The following RYR2 variants were observed in gnomAD, a reference collection of about 807,000 sequenced individuals.
RYR2 encodes ryanodine receptor 2, also known as cardiac muscle ryanodine receptor-calcium release channel.
RYR2 carries 227 observed loss-of-function variants against 601.1 expected under a neutral mutation model. That is an observed-to-expected ratio of 0.38 (90% confidence interval 0.34 to 0.42). RYR2 has a LOEUF of 0.42. RYR2 is among the 10% of genes least tolerant of loss of function. The pLI is 1.00. For synonymous variants in RYR2, 2,223 were observed against 2,175.1 expected, an observed-to-expected ratio of 1.02 and a Z score of -0.61; for missense variants, 4,646 against 6,156.5, an observed-to-expected ratio of 0.75 and a Z score of 8.21.
intron 1 of RYR2, among the ~76,000 whole-genome samples, chr1:237,256,586 G>T (rs1688010081): frequency 6.6e-6 from 1 of 152,116 alleles, no homozygotes; most frequent in Non-Finnish European, 1.5e-5. Flanking sequence ...TGGATTTTAG[G>T]GTAACATGGA....
At chr1:237,096,674 GA>G (rs1433285261) in intron 1 of RYR2, among the ~76,000 whole-genome samples, 1 of 152,070 alleles carries the variant, frequency 6.6e-6, no homozygotes, top group Non-Finnish European at 1.5e-5. Flanking sequence ...TTAACCTTCA[GA>G]AAAAAATTTG....
intron 1 of RYR2, among the ~76,000 whole-genome samples, chr1:237,247,352 G>A (rs1441605245): frequency 1.3e-5 from 2 of 152,142 alleles, no homozygotes; most frequent in Non-Finnish European, 2.9e-5. Context: ...AAATTACACA[G>A]ACTTTCGTAG....
chr1:237,605,007 G>A (rs1373610439), intron 35 of RYR2, among the ~76,000 whole-genome samples: 2 of 152,064 alleles, frequency 1.3e-5, no homozygotes, highest in Non-Finnish European at 2.9e-5. Context: ...GGAGGAGCTG[G>A]TACCATTCCT....
chr1:237,230,138 T>C (rs912021248), intron 1 of RYR2, among the ~76,000 whole-genome samples: 12 of 152,218 alleles, frequency 7.9e-5, no homozygotes, highest in Non-Finnish European at 1.6e-4. Flanking sequence ...AACTGTCTTG[T>C]ATTTATACTG....
At chr1:237,341,567 A>G (rs567493754) in intron 3 of RYR2, 79 of 484,356 alleles carry the variant, frequency 1.6e-4, no homozygotes, top group Non-Finnish European at 3.0e-4. Context: ...TGTAAATCTC[A>G]GGAATGCAGG....
intron 49 of RYR2, 45 bp downstream of exon 49, chr1:237,648,658 C>G (rs1042260976): frequency 1.7e-5 from 26 of 1,569,166 alleles, no homozygotes; most frequent in Non-Finnish European, 2.3e-5. Flanking sequence ...ACTCTTCACT[C>G]TGTGCCTTAT....
intron 29 of RYR2, among the ~76,000 whole-genome samples, chr1:237,586,418 TA>T (rs1674533618): frequency 1.3e-5 from 2 of 152,216 alleles, no homozygotes; most frequent in African/African-American, 4.8e-5. Context: ...ATACAAGATC[TA>T]ACTTTAAAAC....
intron 1 of RYR2, among the ~76,000 whole-genome samples, chr1:237,115,433 C>T: frequency 6.6e-6 from 1 of 152,196 alleles, no homozygotes; most frequent in East Asian, 1.9e-4. Flanking sequence ...CCCTTAAGAA[C>T]CCCAGATCAG....
chr1:237,292,348 T>G (rs557946579), intron 2 of RYR2, among the ~76,000 whole-genome samples: 1 of 152,108 alleles, frequency 6.6e-6, no homozygotes. Context: ...ATTTGCAAAA[T>G]AGGTACAAAA....
At chr1:237,556,695 T>C (rs543520490) in intron 27 of RYR2, among the ~76,000 whole-genome samples, 2 of 151,994 alleles carry the variant, frequency 1.3e-5, no homozygotes, top group East Asian at 1.9e-4. Flanking sequence ...TTTTGTCTTA[T>C]GTAGCTCTCA....
chr1:237,191,496 A>G (rs1448862481), intron 1 of RYR2, among the ~76,000 whole-genome samples: 1 of 150,982 alleles, frequency 6.6e-6, no homozygotes, highest in Non-Finnish European at 1.5e-5. Flanking sequence ...ACTGTCTTAG[A>G]TTTTATCGGG....
chr1:237,833,613 T>A lies in RYR2; in HGVS notation c.*966T>A, dbSNP rs942724427. On this transcript the variant is annotated 3_prime_UTR_variant, in exon 105 of 105. Transcript: ENST00000366574. ...AGTGTCGTGGGCTTAATTGTATATC[T>A]GGAGCCAGTGTCATCCACCAACAAT... The A allele has an allele frequency of 6.6e-6, 1 of 152,666 alleles. No homozygotes were observed. The highest frequency in any genetic ancestry group is 2.4e-5 in the African/African-American group (1 of 41,468). The allele number at this position is 152,666 out of a possible 1,614,324, so 9.5% of individuals were successfully genotyped here.
intron 80 of RYR2, among the ~76,000 whole-genome samples, chr1:237,750,423 C>A (rs1218028822): frequency 6.6e-6 from 1 of 151,528 alleles, no homozygotes; most frequent in Non-Finnish European, 1.5e-5. Context: ...ACATAAATTA[C>A]ATGAAATGAC....
intron 24 of RYR2, among the ~76,000 whole-genome samples, chr1:237,529,257 C>T (rs947720678): frequency 6.6e-6 from 1 of 152,090 alleles, no homozygotes; most frequent in African/African-American, 2.4e-5. Context: ...ATTCTTTATT[C>T]AGCTTATTTT....
intron 1 of RYR2, among the ~76,000 whole-genome samples, chr1:237,264,671 A>G (rs1688863490): frequency 6.6e-6 from 1 of 151,004 alleles, no homozygotes; most frequent in Admixed American, 6.6e-5. Flanking sequence ...GTAAAAACAG[A>G]CTCAGTTTAT....
At chr1:237,303,834 A>G (rs1693611166) in intron 2 of RYR2, among the ~76,000 whole-genome samples, 1 of 152,140 alleles carries the variant, frequency 6.6e-6, no homozygotes, top group African/African-American at 2.4e-5. Context: ...TAATTATCTT[A>G]TTGCTTGAGA....
intron 84 of RYR2, among the ~76,000 whole-genome samples, chr1:237,765,318 A>T (rs1373341914): frequency 4.7e-5 from 7 of 149,748 alleles, no homozygotes; most frequent in East Asian, 2.0e-4. Context: ...AAGATACTGA[A>T]TTTTTTTTTT....
intron 14 of RYR2, among the ~76,000 whole-genome samples, chr1:237,447,486 T>C (rs1306185594): frequency 6.6e-6 from 1 of 152,220 alleles, no homozygotes; most frequent in Non-Finnish European, 1.5e-5. Context: ...TGAAAATTAT[T>C]TTTTGTCTGG....
intron 12 of RYR2, among the ~76,000 whole-genome samples, chr1:237,426,433 G>C (rs1572268670): frequency 6.6e-6 from 1 of 152,094 alleles, no homozygotes; most frequent in Non-Finnish European, 1.5e-5. Flanking sequence ...CCATTATGGG[G>C]ACATGGGCTT....
Sources: gnomAD v4.1 joint callset for allele counts (sites outside exome capture counted in the v4.1 genomes callset) on GRCh38, gnomAD v4.1.1 for gene constraint, MANE v1.5 for transcripts, NCBI Gene and HGNC (gene_info 2026-07-23, HGNC 2026-07-21) for gene names.